The following USP24 variants were observed in gnomAD, a reference collection of about 807,000 sequenced individuals.
The protein encoded by USP24 is ubiquitin carboxyl-terminal hydrolase 24.
Under a neutral mutation model 361.6 loss-of-function variants are expected in USP24, and 97 were observed. The observed-to-expected ratio is 0.27, with a 90% CI of 0.23 to 0.32. USP24 has a LOEUF of 0.32. USP24 is among the 10% of genes least tolerant of loss of function. USP24 has a pLI of 1.00. For missense variants in USP24, 2,353 were observed against 3,165.6 expected, an observed-to-expected ratio of 0.74 and a Z score of 6.16; for synonymous variants, 1,098 against 1,124.6, an observed-to-expected ratio of 0.98 and a Z score of 0.47.
Position 55,123,566 on chromosome 1 carries a change from A to G in USP24, c.4157T>C (p.Val1386Ala). 1 of 1,599,546 alleles carries G rather than the reference A, an allele frequency of 6.3e-7. No homozygotes were observed. ...AACACAGATTCCCGCATGCAGGGCT[A>G]CTGGTTCTCCTTCACTTCCAGAGCT... Reference protein sequence around the residue: ...NCSSGSEGEPVALHAGICVRQ... With the variant: ...NCSSGSEGEPAALHAGICVRQ... The change falls in exon 36 of 68, where the codon GTA becomes GCA. Residue 1386 changes from valine (V) to alanine (A), a missense_variant. This residue lies in a region of USP24 where 949 missense variants were observed against 1,280.5 expected (regional missense o/e 0.74). Transcript: ENST00000294383.
chr1:55,175,669 A>C (rs919540586), intron 3 of USP24, among the ~76,000 whole-genome samples: 3 of 152,206 alleles, frequency 2.0e-5, no homozygotes, highest in African/African-American at 7.2e-5. Context: ...AGCTCTTTCT[A>C]TGAGCTAGGC....
intron 64 of USP24, 73 bp downstream of exon 64, chr1:55,073,755 T>C: frequency 7.1e-7 from 1 of 1,399,906 alleles, no homozygotes; most frequent in South Asian, 1.2e-5. Flanking sequence ...ACCGGGCACA[T>C]GTTCCCCTTC....
intron 1 of USP24, among the ~76,000 whole-genome samples, chr1:55,203,903 C>T (rs1557707170): frequency 1.3e-5 from 2 of 152,290 alleles, no homozygotes; most frequent in African/African-American, 2.4e-5. Flanking sequence ...AAATTAAATA[C>T]ATTACATACA....
chr1:55,138,937 G>T lies in USP24; in HGVS notation c.2817+7C>A. 6.2e-7 allele frequency: 1 copy of T among 1,610,344 alleles called. No homozygotes were observed. Among genetic ancestry groups the T allele is most frequent in the African/African-American group, 1.3e-5 (1 of 74,746 alleles). On this transcript the variant is annotated splice_region_variant and intron_variant, in intron 25 of 67. Coordinates refer to ENST00000294383, the MANE Select transcript of USP24 (RefSeq NM_015306.3). ...AACATACATCTTAAAAAAAGGAAGT[G>T]GCTTACCTCTATAGTGATCACATAG...
At chr1:55,088,467 C>T (rs1382431436) in intron 55 of USP24, among the ~76,000 whole-genome samples, 1 of 152,076 alleles carries the variant, frequency 6.6e-6, no homozygotes, top group Non-Finnish European at 1.5e-5. Flanking sequence ...GGGTCAACTT[C>T]CTTGAGAAGG....
At chr1:55,120,780 A>G in intron 37 of USP24, 24 bp from the exon 38 acceptor site, 1 of 1,541,902 alleles carries the variant, frequency 6.5e-7, no homozygotes, top group Non-Finnish European at 8.8e-7. Context: ...ATCAGCAGCA[A>G]AGGACAGACA....
At chr1:55,163,769 G>T (rs1648538522) in intron 7 of USP24, among the ~76,000 whole-genome samples, 1 of 151,934 alleles carries the variant, frequency 6.6e-6, no homozygotes. Context: ...CAGATTTTTT[G>T]AACAAAATGA....
intron 28 of USP24, 31 bp from the exon 29 acceptor site, chr1:55,134,444 A>G (rs1646678009): frequency 6.4e-7 from 1 of 1,563,726 alleles, no homozygotes; most frequent in South Asian, 1.1e-5. Flanking sequence ...AGAAATTCAA[A>G]TTTACAAAAG....
At chr1:55,204,136 A>T (rs1644645848) in intron 1 of USP24, among the ~76,000 whole-genome samples, 1 of 152,188 alleles carries the variant, frequency 6.6e-6, no homozygotes. Flanking sequence ...TCCTCATGTT[A>T]TTGATGCTGG....
rs143113350 is a variant in USP24, at chr1:55,183,533, G to C, written c.325-5401C>G. Among the ~76,000 whole-genome samples, 581 of 152,152 alleles carry C rather than the reference G, an allele frequency of 3.8e-3. 5 individuals carry two copies. Among genetic ancestry groups the C allele is most frequent in the African/African-American group, 0.013 (544 of 41,496 alleles). ...AATGTATATTGAGAAAGAAACAAGG[G>C]AATTAAAATGATACACCAGAAAATA... On this transcript the variant is annotated intron_variant, in intron 1 of 67. Coordinates refer to ENST00000294383, the MANE Select transcript of USP24 (RefSeq NM_015306.3).
chr1:55,070,509 A>T (rs1644900722), intron 67 of USP24, among the ~76,000 whole-genome samples: 1 of 152,238 alleles, frequency 6.6e-6, no homozygotes, highest in South Asian at 2.1e-4. Context: ...GCAGTCGGCT[A>T]AGATGAGGCC....
intron 66 of USP24, 87 bp downstream of exon 66, chr1:55,072,230 C>T: frequency 9.2e-7 from 1 of 1,086,282 alleles, no homozygotes; most frequent in South Asian, 1.5e-5. Flanking sequence ...TCATACCTCT[C>T]TTCTCAGAGG....
chr1:55,068,163 T>C lies in USP24; in HGVS notation c.*882A>G, dbSNP rs1644854213. 6.6e-6 allele frequency: 1 copy of C among 152,258 alleles called. No individual in the cohort carries two copies. The highest frequency in any genetic ancestry group is 2.4e-5 in the African/African-American group (1 of 41,466). 9.4% of individuals were successfully genotyped at this position (152,258 alleles called of 1,614,324 possible). ...TCACATGATTTAAGACTACAGTTTA[T>C]TCAATATGTCTCCAAGCATTAAAAA... is the stretch of plus-strand genomic sequence containing the variant. On this transcript the variant is annotated 3_prime_UTR_variant, in exon 68 of 68. Transcript: ENST00000294383.
intron 29 of USP24, 32 bp from the exon 30 acceptor site, chr1:55,134,195 T>A (rs1646671256): frequency 1.2e-6 from 2 of 1,602,610 alleles, no homozygotes; most frequent in African/African-American, 1.3e-5. Flanking sequence ...TTTTTTCATA[T>A]AAGCCATAGT....
chr1:55,138,877 C>G, intron 25 of USP24, 67 bp downstream of exon 25: 1 of 1,524,960 alleles, frequency 6.6e-7, no homozygotes, highest in Non-Finnish European at 9.0e-7. Flanking sequence ...GCTAGAAAGG[C>G]TGAGGTGGGA....
intron 42 of USP24, among the ~76,000 whole-genome samples, chr1:55,103,531 T>C (rs571617435): frequency 6.6e-6 from 1 of 152,226 alleles, no homozygotes; most frequent in Non-Finnish European, 1.5e-5. Context: ...TAGGCTGTAC[T>C]GTGATAGAGC....
intron 38 of USP24, among the ~76,000 whole-genome samples, chr1:55,119,360 G>C (rs1431066383): frequency 6.6e-6 from 1 of 152,146 alleles, no homozygotes; most frequent in African/African-American, 2.4e-5. Flanking sequence ...GAGGTACCTA[G>C]AGTCGTCAAA....
rs189821397 is a variant in USP24, at chr1:55,122,604, A to G, written c.4276+843T>C. Among the ~76,000 whole-genome samples, 6 of 152,308 alleles carry G rather than the reference A, an allele frequency of 3.9e-5. No individual in the cohort carries two copies. In the East Asian group the frequency reaches 1.2e-3, roughly 29 times the overall value. ...CACTCTTGCTATAGTCCAAGTAGGA[A>G]GCAATGGCAGCTTGGAGGGACCAAC... On this transcript the variant is annotated intron_variant, in intron 36 of 67. Coordinates refer to ENST00000294383, the MANE Select transcript of USP24 (RefSeq NM_015306.3).
At chr1:55,179,913 T>A (rs1418981426) in intron 1 of USP24, among the ~76,000 whole-genome samples, 1 of 152,192 alleles carries the variant, frequency 6.6e-6, no homozygotes, top group Non-Finnish European at 1.5e-5. Flanking sequence ...ATACTGATCT[T>A]CATAAAGCAC....
Sources: gnomAD v4.1 joint callset for allele counts (sites outside exome capture counted in the v4.1 genomes callset) on GRCh38, gnomAD v4.1.1 for gene constraint, gnomAD v4.1.1 regional missense constraint, MANE v1.5 for transcripts, NCBI Gene and HGNC (gene_info 2026-07-23, HGNC 2026-07-21) for gene names.